Variants in NAALADL2 observed in about 807,000 individuals in gnomAD.
NAALADL2 encodes the protein inactive N-acetylated-alpha-linked acidic dipeptidase-like protein 2.
In NAALADL2, 76 loss-of-function variants were observed where a neutral mutation model predicts 87.2. That is an observed-to-expected ratio of 0.87 (90% CI 0.72 to 1.05). The LOEUF (loss-of-function observed/expected upper bound fraction) is 1.05, where lower values mean the gene tolerates loss of function less well. Ranked by LOEUF, NAALADL2 falls within the 50% of genes least tolerant of loss-of-function variation. The pLI, the probability that NAALADL2 is intolerant of heterozygous loss-of-function variation, is 0.00. For synonymous variants in NAALADL2, 354 were observed against 331.0 expected (o/e 1.07, Z -0.75); for missense variants, 1,089 against 945.8 (o/e 1.15, Z -1.99).
intron 13 of NAALADL2, among the ~76,000 whole-genome samples, chr3:175,789,066 T>C (rs1752466920): frequency 7.0e-6 from 1 of 143,370 alleles, no homozygotes; most frequent in Admixed American, 7.1e-5. Flanking sequence ...TTATTATAAG[T>C]ATATTAGCCA....
chr3:175,075,252 T>G (rs1282297611), intron 1 of NAALADL2, among the ~76,000 whole-genome samples: 2 of 152,178 alleles, frequency 1.3e-5, no homozygotes, highest in African/African-American at 4.8e-5. Flanking sequence ...TATTATTTTG[T>G]GTATCTCTAA....
chr3:175,532,962 C>A (rs565874242), intron 9 of NAALADL2, among the ~76,000 whole-genome samples: 3 of 152,322 alleles, frequency 2.0e-5, no homozygotes, highest in African/African-American at 7.2e-5. Flanking sequence ...CTCCATCATC[C>A]CAATCTCCCT....
intron 11 of NAALADL2, among the ~76,000 whole-genome samples, chr3:175,700,233 T>C (rs1738797919): frequency 6.6e-6 from 1 of 152,112 alleles, no homozygotes; most frequent in African/African-American, 2.4e-5. Context: ...CAATGCTAAG[T>C]GCTATGTTTT....
intron 11 of NAALADL2, among the ~76,000 whole-genome samples, chr3:175,711,605 A>G (rs1740538152): frequency 6.6e-6 from 1 of 151,906 alleles, no homozygotes; most frequent in Non-Finnish European, 1.5e-5. Flanking sequence ...TCATATGTGA[A>G]GAAGAGTTTA....
At chr3:175,391,753 T>C (rs1769103518) in intron 5 of NAALADL2, among the ~76,000 whole-genome samples, 1 of 152,174 alleles carries the variant, frequency 6.6e-6, no homozygotes, top group African/African-American at 2.4e-5. Flanking sequence ...AATAGATAAC[T>C]AATGCACATA....
intron 2 of NAALADL2, among the ~76,000 whole-genome samples, chr3:174,721,603 A>G (rs1731719522): frequency 6.6e-6 from 1 of 152,220 alleles, no homozygotes. Context: ...GATGGTATGG[A>G]GGAGAGCTCG....
At chr3:175,629,581 G>T (rs985874675) in intron 11 of NAALADL2, among the ~76,000 whole-genome samples, 1 of 151,472 alleles carries the variant, frequency 6.6e-6, no homozygotes, top group African/African-American at 2.4e-5. Context: ...ATAATTTGAG[G>T]CAATGTTGCC....
At position 175,803,912 on chromosome 3, in the gene NAALADL2, T is replaced by C. The variant is rs1326058161; in HGVS notation, c.*709T>C. On this transcript the variant is annotated 3_prime_UTR_variant, in exon 14 of 14. Transcript: ENST00000454872. ...GGTGACTAGCTTTGAAACCCCTAATTTGCCTCAGTTGATTTTCTAAGAATT... is the reference window on the plus strand; with the variant it reads ...GGTGACTAGCTTTGAAACCCCTAATCTGCCTCAGTTGATTTTCTAAGAATT... 6.6e-6 allele frequency: 1 copy of C among 152,356 alleles called. No individual in the cohort carries two copies. The highest frequency in any genetic ancestry group is 1.5e-5 in the Non-Finnish European group (1 of 67,874). The allele number at this position is 152,356 out of a possible 1,614,324, so 9.4% of individuals were successfully genotyped here. A position where few individuals can be genotyped will look rare whatever the true frequency, so the allele number is the denominator to read the frequency against.
At chr3:175,371,934 C>T (rs1474801966) in intron 5 of NAALADL2, among the ~76,000 whole-genome samples, 1 of 152,114 alleles carries the variant, frequency 6.6e-6, no homozygotes, top group Non-Finnish European at 1.5e-5. Flanking sequence ...CTTCTAGTTT[C>T]CTAATAAGTT....
intron 9 of NAALADL2, among the ~76,000 whole-genome samples, chr3:175,473,282 G>T (rs572713840): frequency 6.6e-6 from 1 of 151,946 alleles, no homozygotes. Context: ...AAATGATGAC[G>T]TACATGTCAA....
intron 3 of NAALADL2, among the ~76,000 whole-genome samples, chr3:174,745,283 TACAA>T (rs1275832771): frequency 4.0e-5 from 6 of 151,854 alleles, no homozygotes; most frequent in Non-Finnish European, 8.8e-5. Flanking sequence ...CCCACAGAAA[TACAA>T]ACAACCATCA....
At chr3:175,283,979 A>C (rs1037106440) in intron 4 of NAALADL2, among the ~76,000 whole-genome samples, 1 of 151,912 alleles carries the variant, frequency 6.6e-6, no homozygotes, top group African/African-American at 2.4e-5. Context: ...AAACAGGAAA[A>C]AAAATAATTT....
chr3:174,670,252 G>A (rs570095157), intron 2 of NAALADL2, among the ~76,000 whole-genome samples: 1 of 151,590 alleles, frequency 6.6e-6, no homozygotes, highest in East Asian at 2.0e-4. Context: ...TAGTTGCTCT[G>A]GCTAGGACTT....
At chr3:175,413,387 C>T (rs988570027) in intron 5 of NAALADL2, among the ~76,000 whole-genome samples, 3 of 150,834 alleles carry the variant, frequency 2.0e-5, no homozygotes, top group Admixed American at 1.3e-4. Context: ...CTGGCTAACA[C>T]GGTGAAACCC....
At chr3:174,871,641 G>A (rs1352129307) in intron 1 of NAALADL2, among the ~76,000 whole-genome samples, 3 of 152,180 alleles carry the variant, frequency 2.0e-5, no homozygotes, top group African/African-American at 7.2e-5. Context: ...GCTCACAGCT[G>A]TAATCCCAAC....
intron 2 of NAALADL2, among the ~76,000 whole-genome samples, chr3:174,556,628 C>G (rs1308963924): frequency 1.3e-5 from 2 of 151,960 alleles, no homozygotes; most frequent in Non-Finnish European, 1.5e-5. Flanking sequence ...GTATTATTTC[C>G]CTCAGGAAAT....
intron 1 of NAALADL2, among the ~76,000 whole-genome samples, chr3:174,479,698 T>C (rs1717437322): frequency 6.6e-6 from 1 of 152,176 alleles, no homozygotes; most frequent in African/African-American, 2.4e-5. Context: ...TTCCTTTCTT[T>C]CCGGCTCTGT....
intron 10 of NAALADL2, among the ~76,000 whole-genome samples, chr3:175,601,221 C>G (rs541599747): frequency 6.6e-6 from 1 of 151,968 alleles, no homozygotes; most frequent in Non-Finnish European, 1.5e-5. Flanking sequence ...TTATATAACC[C>G]TTTACTTTTA....
In NAALADL2 at chr3:175,022,456, A is replaced by G. The variant is rs527289832; in HGVS notation, c.44-74334A>G. Among the ~76,000 whole-genome samples, 86 of 152,074 alleles carry G rather than the reference A, an allele frequency of 5.7e-4. 1 individual carries two copies. The highest frequency in any genetic ancestry group is 1.8e-3 in the African/African-American group (75 of 41,512). Reference sequence around the variant, plus strand: ...TTTGACTCAGATTAAAAAAACTACAATGTAGCATATGTCATGCCATTAATG... The same window carrying G: ...TTTGACTCAGATTAAAAAAACTACAGTGTAGCATATGTCATGCCATTAATG... On this transcript the variant is annotated intron_variant, in intron 1 of 13. Transcript: ENST00000454872.
Sources: allele counts gnomAD v4.1 joint callset (sites outside exome capture counted in the v4.1 genomes callset), GRCh38; gene constraint gnomAD v4.1.1; transcripts MANE v1.5; gene names NCBI Gene and HGNC (gene_info 2026-07-23, HGNC 2026-07-21).